The following TENM3 variants were observed in gnomAD, a reference collection of about 807,000 sequenced individuals.
TENM3 encodes teneurin-3.
Under a neutral mutation model 255.1 loss-of-function variants are expected in TENM3, and 63 were observed. That is an observed-to-expected ratio of 0.25 (90% CI 0.20 to 0.30). The LOEUF is 0.30. TENM3 is among the 10% of genes least tolerant of loss of function. The probability of loss-of-function intolerance (pLI) is 1.00; values close to 1 mark genes in which losing one functional copy is unlikely to be tolerated. For synonymous variants in TENM3, 1,306 were observed against 1,322.3 expected, an observed-to-expected ratio of 0.99 and a Z score of 0.27; for missense variants, 2,929 against 3,461.1, an observed-to-expected ratio of 0.85 and a Z score of 3.86.
intron 3 of TENM3, among the ~76,000 whole-genome samples, chr4:182,375,780 G>T (rs946991671): frequency 6.6e-5 from 10 of 152,150 alleles, no homozygotes; most frequent in Non-Finnish European, 1.5e-4. Flanking sequence ...CTGACCTCAG[G>T]TGATCCACCT....
At chr4:182,585,941 C>T (rs1745979820) in intron 3 of TENM3, among the ~76,000 whole-genome samples, 1 of 152,172 alleles carries the variant, frequency 6.6e-6, no homozygotes, top group African/African-American at 2.4e-5. Context: ...CTCAATATAT[C>T]ATGTTTACTA....
chr4:182,719,053 T>G (rs920633183), intron 13 of TENM3, among the ~76,000 whole-genome samples: 2 of 152,118 alleles, frequency 1.3e-5, no homozygotes, highest in African/African-American at 4.8e-5. Context: ...CGTCCCTGTC[T>G]GGTCCTCCAG....
chr4:181,908,967 A>G, the TENM3 span, among the ~76,000 whole-genome samples: 1 of 152,208 alleles, frequency 6.6e-6, no homozygotes, highest in African/African-American at 2.4e-5. Context: ...GTATTAGAAT[A>G]TTTGAACATA....
chr4:182,449,980 C>A (rs1773313598), intron 3 of TENM3, among the ~76,000 whole-genome samples: 2 of 152,194 alleles, frequency 1.3e-5, no homozygotes, highest in Admixed American at 1.3e-4. Context: ...GTGCTGGCGT[C>A]TCTGTCTCTC....
At chr4:182,087,066 G>T in the TENM3 span, among the ~76,000 whole-genome samples, 2 of 152,102 alleles carry the variant, frequency 1.3e-5, no homozygotes, top group Non-Finnish European at 2.9e-5. Flanking sequence ...CACATATTCA[G>T]AACAGAATTG....
the TENM3 span, among the ~76,000 whole-genome samples, chr4:181,581,521 A>G: frequency 6.6e-6 from 1 of 152,148 alleles, no homozygotes; most frequent in Non-Finnish European, 1.5e-5. Flanking sequence ...TCTTGCATTT[A>G]GCAGTCTTTT....
At chr4:182,573,489 A>G (rs1396285655) in intron 3 of TENM3, among the ~76,000 whole-genome samples, 1 of 152,164 alleles carries the variant, frequency 6.6e-6, no homozygotes, top group Non-Finnish European at 1.5e-5. Context: ...ATAGTGATGA[A>G]ATTTTGTGTG....
chr4:182,594,078 G>A (rs1187464748), intron 3 of TENM3, among the ~76,000 whole-genome samples: 1 of 152,178 alleles, frequency 6.6e-6, no homozygotes, highest in Non-Finnish European at 1.5e-5. Flanking sequence ...AAGGTGACTA[G>A]GCCGAACTTC....
the TENM3 span, among the ~76,000 whole-genome samples, chr4:181,536,103 A>G: frequency 3.9e-5 from 6 of 152,184 alleles, no homozygotes; most frequent in African/African-American, 1.2e-4. Context: ...CTTGTTTGCT[A>G]CTGAATCCCA....
the TENM3 span, among the ~76,000 whole-genome samples, chr4:181,560,300 T>A: frequency 6.6e-6 from 1 of 152,098 alleles, no homozygotes; most frequent in Non-Finnish European, 1.5e-5. Context: ...CCTAATCACC[T>A]CCCCAAAGCC....
chr4:182,473,902 G>A (rs916628988), intron 3 of TENM3, among the ~76,000 whole-genome samples: 4 of 152,054 alleles, frequency 2.6e-5, no homozygotes, highest in African/African-American at 9.7e-5. Context: ...AGGTTGCAGT[G>A]AGCTATGATT....
At chr4:182,337,663 C>A (rs1764229124) in intron 2 of TENM3, among the ~76,000 whole-genome samples, 1 of 152,136 alleles carries the variant, frequency 6.6e-6, no homozygotes, top group Admixed American at 6.5e-5. Flanking sequence ...CTGGACCCAG[C>A]AATTCATCTC....
chr4:182,729,774 G>A (rs763408143), intron 14 of TENM3, among the ~76,000 whole-genome samples: 10 of 152,184 alleles, frequency 6.6e-5, no homozygotes, highest in South Asian at 2.1e-4. Context: ...CAAAGTTGCT[G>A]TACAAATGTT....
intron 3 of TENM3, among the ~76,000 whole-genome samples, chr4:182,436,971 T>C (rs1286930551): frequency 1.4e-5 from 2 of 147,856 alleles, no homozygotes; most frequent in African/African-American, 5.0e-5. Flanking sequence ...GAGGTTACAG[T>C]GAGCCAAGAC....
At chr4:181,899,531 G>T in the TENM3 span, among the ~76,000 whole-genome samples, 1 of 151,866 alleles carries the variant, frequency 6.6e-6, no homozygotes, top group Admixed American at 6.6e-5. Flanking sequence ...TTGTTTTGTT[G>T]TTTTGTTGTT....
At chr4:182,447,345 G>C (rs965366894) in intron 3 of TENM3, among the ~76,000 whole-genome samples, 1 of 152,068 alleles carries the variant, frequency 6.6e-6, no homozygotes, top group Non-Finnish European at 1.5e-5. Context: ...GTATGAGGAT[G>C]GATGTCTTAG....
At chr4:181,847,116 T>A in the TENM3 span, among the ~76,000 whole-genome samples, 1 of 152,154 alleles carries the variant, frequency 6.6e-6, no homozygotes, top group African/African-American at 2.4e-5. Flanking sequence ...AGTTGCTACA[T>A]CAGGAGGAAA....
the TENM3 span, among the ~76,000 whole-genome samples, chr4:181,748,316 A>G: frequency 6.6e-6 from 1 of 152,108 alleles, no homozygotes; most frequent in Non-Finnish European, 1.5e-5. Context: ...ATTCTCCGGT[A>G]GAATTTAAAG....
chr4:182,227,306 G>A (rs1293831593), intron 1 of TENM3, among the ~76,000 whole-genome samples: 1 of 152,132 alleles, frequency 6.6e-6, no homozygotes, highest in Non-Finnish European at 1.5e-5. Flanking sequence ...ACATTGTCCT[G>A]GACCCTGGAG....
Sources: gnomAD v4.1 joint callset for allele counts (sites outside exome capture counted in the v4.1 genomes callset) on GRCh38, gnomAD v4.1.1 for gene constraint, MANE v1.5 for transcripts, NCBI Gene and HGNC (gene_info 2026-07-23, HGNC 2026-07-21) for gene names.